The following EIF4H variants were observed in gnomAD, a reference collection of about 807,000 sequenced individuals.
EIF4H encodes the protein eukaryotic translation initiation factor 4H.
In EIF4H, 8 loss-of-function variants were observed where a neutral mutation model predicts 30.6. The observed-to-expected ratio is 0.26, with a 90% CI of 0.15 to 0.47. EIF4H has a LOEUF of 0.47. Among genes scored for constraint, EIF4H ranks in the 20% least tolerant of loss-of-function variants. The pLI is 0.99. For synonymous variants in EIF4H, 106 were observed against 122.7 expected (o/e 0.86, Z 0.90); for missense variants, 188 against 339.5 (o/e 0.55, Z 3.51).
At chr7:74,182,311 C>T (rs1396557227) in intron 1 of EIF4H, among the ~76,000 whole-genome samples, 4 of 152,166 alleles carry the variant, frequency 2.6e-5, no homozygotes, top group Non-Finnish European at 5.9e-5. Flanking sequence ...TTATCAAAGG[C>T]TTGACCTTTG....
intron 1 of EIF4H, among the ~76,000 whole-genome samples, chr7:74,180,839 C>T (rs951088431): frequency 9.9e-5 from 15 of 152,196 alleles, no homozygotes; most frequent in Non-Finnish European, 1.8e-4. Flanking sequence ...CAGAATAGGA[C>T]CAAAGGATTA....
rs1554710666 is a variant in EIF4H at position 74,195,826 on chromosome 7, A to T, written c.*518A>T. The T allele has an allele frequency of 1.3e-5, 2 of 154,844 alleles. No individual in the cohort carries two copies. The highest frequency in any genetic ancestry group is 4.8e-5 in the African/African-American group (2 of 41,488). The allele number at this position is 154,844 out of a possible 1,614,324, so 9.6% of individuals were successfully genotyped here. A position where few individuals can be genotyped will look rare whatever the true frequency, so the allele number is the denominator to read the frequency against. ...AGGGAACAGCAGAGACCTTGTTGGT[A>T]TTCAGCTGTGATGGATATAGAGAAT... On this transcript the variant is annotated 3_prime_UTR_variant, in exon 7 of 7. Coordinates refer to ENST00000265753, the MANE Select transcript of EIF4H (RefSeq NM_022170.2).
rs1801369103 is a variant in EIF4H at position 74,197,037 on chromosome 7, A to T, written c.*1729A>T. ...ACATTCAGCTATATGACAGAAAGTA[A>T]ATCTATGGATATGGTATTTTGTGAA... On this transcript the variant is annotated 3_prime_UTR_variant, in exon 7 of 7. Coordinates refer to ENST00000265753, the MANE Select transcript of EIF4H (RefSeq NM_022170.2). 6.6e-6 allele frequency: 1 copy of T among 152,546 alleles called. No individual in the cohort carries two copies. Among genetic ancestry groups the T allele is most frequent in the African/African-American group, 2.4e-5 (1 of 41,418 alleles). The allele number at this position is 152,546 out of a possible 1,614,324, so 9.4% of individuals were successfully genotyped here.
intron 1 of EIF4H, among the ~76,000 whole-genome samples, chr7:74,184,625 C>T (rs566961172): frequency 7.3e-6 from 1 of 136,958 alleles, no homozygotes; most frequent in East Asian, 2.0e-4. Context: ...TATGGTTTTC[C>T]ACATGTTTAT....
chr7:74,193,811 C>T (rs1554710324), intron 5 of EIF4H, among the ~76,000 whole-genome samples: 1 of 152,124 alleles, frequency 6.6e-6, no homozygotes, highest in African/African-American at 2.4e-5. Flanking sequence ...GTGAGTCTCA[C>T]TGTGTTGCCC....
intron 1 of EIF4H, among the ~76,000 whole-genome samples, chr7:74,182,928 C>T (rs142307088): frequency 1.1e-4 from 17 of 152,304 alleles, no homozygotes; most frequent in African/African-American, 4.1e-4. Flanking sequence ...TCCTGGCTCC[C>T]AACTGCTCCA....
intron 1 of EIF4H, among the ~76,000 whole-genome samples, chr7:74,179,359 C>T (rs758298381): frequency 7.9e-5 from 12 of 152,174 alleles, no homozygotes; most frequent in Admixed American, 6.5e-4. Flanking sequence ...TGGCTGGGCG[C>T]GGTGGCTCAC....
At position 74,196,919 on chromosome 7, in the gene EIF4H, T is replaced by C. The variant is rs1161517493; in HGVS notation, c.*1611T>C. On this transcript the variant is annotated 3_prime_UTR_variant, in exon 7 of 7. Coordinates refer to ENST00000265753, the MANE Select transcript of EIF4H (RefSeq NM_022170.2). ...TCAGATGACCTACTTACATCTTCAATGTGGATAAGATAAAGAACAAAACAC... is the reference window on the plus strand; with the variant it reads ...TCAGATGACCTACTTACATCTTCAACGTGGATAAGATAAAGAACAAAACAC... 6.6e-6 allele frequency: 1 copy of C among 152,594 alleles called. No homozygotes were observed. Among genetic ancestry groups the C allele is most frequent in the African/African-American group, 2.4e-5 (1 of 41,446 alleles). The allele number at this position is 152,594 out of a possible 1,614,324, so 9.5% of individuals were successfully genotyped here. A position where few individuals can be genotyped will look rare whatever the true frequency, so the allele number is the denominator to read the frequency against.
intron 1 of EIF4H, among the ~76,000 whole-genome samples, chr7:74,183,189 AGG>A (rs1801003160): frequency 6.6e-6 from 1 of 152,178 alleles, no homozygotes; most frequent in Non-Finnish European, 1.5e-5. Context: ...TAAATTACTG[AGG>A]CTGTAATTGA....
At chr7:74,176,191 T>C (rs1478938072) in intron 1 of EIF4H, among the ~76,000 whole-genome samples, 1 of 152,206 alleles carries the variant, frequency 6.6e-6, no homozygotes, top group Non-Finnish European at 1.5e-5. Flanking sequence ...CAGAAGTAGT[T>C]TTAAAAACTT....
intron 5 of EIF4H, among the ~76,000 whole-genome samples, chr7:74,191,520 G>A (rs1404733863): frequency 6.6e-6 from 1 of 152,092 alleles, no homozygotes; most frequent in African/African-American, 2.4e-5. Context: ...CCCTATGTGG[G>A]CTCACTCGAT....
intron 1 of EIF4H, among the ~76,000 whole-genome samples, chr7:74,179,488 T>G (rs570239229): frequency 6.6e-6 from 1 of 152,166 alleles, no homozygotes; most frequent in African/African-American, 2.4e-5. Context: ...AAAAACTAGC[T>G]GGGCATGGTG....
chr7:74,192,668 C>CTTTTTTTTTTTTTTTT lies in EIF4H; in HGVS notation c.470-2061_470-2060insTTTTTTTTTTTTTTTT, dbSNP rs1297031468. ...TCATACCTAACATTGCTTTATGTGA[C>CTTTTTTTTTTTTTTTT]TTTTTTTTTTTTCTTTTTTTTTTTT... On this transcript the variant is annotated intron_variant, in intron 5 of 6. Transcript: ENST00000265753. Among the ~76,000 whole-genome samples the CTTTTTTTTTTTTTTTT allele has an allele frequency of 2.1e-5, 2 of 93,186 alleles. 1 individual carries two copies. The allele number at this position is 93,186 out of a possible 152,430, so 61.1% of individuals were successfully genotyped here. A position where few individuals can be genotyped will look rare whatever the true frequency, so the allele number is the denominator to read the frequency against.
rs1244312154 is a variant in EIF4H, at chr7:74,189,924, T to G, written c.409+6T>G. ...AGGTGGACCAGATGACAGAGGTGAT[T>G]GGTTCTTCTAAAGCTGAACATCATA... is the stretch of plus-strand genomic sequence containing the variant. On this transcript the variant is annotated splice_donor_region_variant and intron_variant, in intron 4 of 6. Transcript: ENST00000265753. 2 of 1,613,896 alleles carry G rather than the reference T, an allele frequency of 1.2e-6. No individual in the cohort carries two copies. The highest frequency in any genetic ancestry group is 2.2e-5 in the South Asian group (2 of 91,008).
rs528897220 is a variant in EIF4H at position 74,195,535 on chromosome 7, C to T, written c.*227C>T. The T allele has an allele frequency of 1.7e-5, 7 of 406,938 alleles. No individual in the cohort carries two copies. Among genetic ancestry groups the T allele is most frequent in the East Asian group, 1.2e-4 (3 of 25,604 alleles). 25.2% of individuals were successfully genotyped at this position (406,938 alleles called of 1,614,324 possible). A position where few individuals can be genotyped will look rare whatever the true frequency, so the allele number is the denominator to read the frequency against. On this transcript the variant is annotated 3_prime_UTR_variant, in exon 7 of 7. Coordinates refer to ENST00000265753, the MANE Select transcript of EIF4H (RefSeq NM_022170.2). ...TGTTTGTGCGTTTTTTTCTTTCTTCCGCTGCTTCCCCATTTTCCTTCTGTC... is the reference window on the plus strand; with the variant it reads ...TGTTTGTGCGTTTTTTTCTTTCTTCTGCTGCTTCCCCATTTTCCTTCTGTC...
In EIF4H at chr7:74,193,935, A is replaced by G. The variant is rs371051601; in HGVS notation, c.470-806A>G. On this transcript the variant is annotated intron_variant, in intron 5 of 6. Transcript: ENST00000265753. ...TTTAACATCAGTAGGTTATACAGTT[A>G]AAGTTTAGCTTTCACTGAAGTACAA... is the stretch of plus-strand genomic sequence containing the variant. 2.0e-5 allele frequency among the ~76,000 whole-genome samples: 3 copies of G among 152,206 alleles called. No individual in the cohort carries two copies. The South Asian group carries it at 6.2e-4, about 31-fold the overall frequency.
In EIF4H at chr7:74,194,934, G is replaced by A. The variant is rs1177400306; in HGVS notation, c.607+56G>A. ...TTGTCCTGATGGGATGATCATGGCC[G>A]GTTCACACCCCGTGGGGACTTGGCG... On this transcript the variant is annotated intron_variant, in intron 6 of 6. Transcript: ENST00000265753. 1.5e-5 allele frequency: 23 copies of A among 1,548,862 alleles called. No individual in the cohort carries two copies. The African/African-American group carries it at 2.3e-4, about 16-fold the overall frequency.
At chr7:74,178,065 C>G (rs902519771) in intron 1 of EIF4H, among the ~76,000 whole-genome samples, 1 of 152,120 alleles carries the variant, frequency 6.6e-6, no homozygotes, top group Admixed American at 6.6e-5. Context: ...CTCAGCCTCC[C>G]AAGTAGCTGG....
chr7:74,177,851 A>G (rs1554707906), intron 1 of EIF4H, among the ~76,000 whole-genome samples: 1 of 152,200 alleles, frequency 6.6e-6, no homozygotes, highest in Non-Finnish European at 1.5e-5. Context: ...GGCAGACCAG[A>G]GTTTCATCAG....
Sources: gnomAD v4.1 joint callset for allele counts (sites outside exome capture counted in the v4.1 genomes callset) on GRCh38, gnomAD v4.1.1 for gene constraint, MANE v1.5 for transcripts, NCBI Gene and HGNC (gene_info 2026-07-23, HGNC 2026-07-21) for gene names.